The following NRG3 variants were observed in gnomAD, a reference collection of about 807,000 sequenced individuals.
NRG3 encodes the protein neuregulin 3, also known as pro-neuregulin-3, membrane-bound isoform.
NRG3 carries 31 observed loss-of-function variants against 66.9 expected under a neutral mutation model. The observed-to-expected ratio is 0.46, with a 90% confidence interval of 0.35 to 0.63. The LOEUF is 0.63. Among genes scored for constraint, NRG3 ranks in the 20% least tolerant of loss-of-function variants. The probability of loss-of-function intolerance (pLI) is 0.00; values close to 1 mark genes in which losing one functional copy is unlikely to be tolerated. For missense variants in NRG3, 910 were observed against 878.9 expected (o/e 1.04, Z -0.45); for synonymous variants, 393 against 359.4 (o/e 1.09, Z -1.06).
intron 1 of NRG3, among the ~76,000 whole-genome samples, chr10:82,113,222 T>G (rs1374646711): frequency 6.6e-6 from 1 of 152,110 alleles, no homozygotes; most frequent in Admixed American, 6.5e-5. Flanking sequence ...AACAACCCTA[T>G]GGAGATGGGA....
rs529662259 is a variant in NRG3, at chr10:82,104,828, T to C, written c.823+228665T>C. The stretch of plus-strand genomic sequence containing the variant: ...ATTTATACACATGTAAATTCACACA[T>C]ACTACACACACAGATGTTAGAATTG... On this transcript the variant is annotated intron_variant, in intron 1 of 8. Coordinates refer to ENST00000372141, the MANE Select transcript of NRG3 (RefSeq NM_001010848.4). Among the ~76,000 whole-genome samples, 3 of 152,328 alleles carry C rather than the reference T, an allele frequency of 2.0e-5. No individual in the cohort carries two copies. The East Asian group carries it at 5.8e-4, about 29-fold the overall frequency.
Position 82,108,767 on chromosome 10 carries a change from G to A in NRG3, c.823+232604G>A, listed in dbSNP as rs2067209720. ...AGCCTGATTGTTGGGTAGGAGATGA[G>A]CACTTTGATGTTCCTTACAGAAGGT... is the stretch of plus-strand genomic sequence containing the variant. On this transcript the variant is annotated intron_variant, in intron 1 of 8. Coordinates refer to ENST00000372141, the MANE Select transcript of NRG3 (RefSeq NM_001010848.4). Among the ~76,000 whole-genome samples, 2 of 152,182 alleles carry A rather than the reference G, an allele frequency of 1.3e-5. 1 individual carries two copies. The highest frequency in any genetic ancestry group is 4.8e-5 in the African/African-American group (2 of 41,466).
chr10:82,777,362 A>G (rs1353605771), intron 3 of NRG3, among the ~76,000 whole-genome samples: 2 of 152,092 alleles, frequency 1.3e-5, no homozygotes, highest in Non-Finnish European at 2.9e-5. Context: ...GTCTGGTTTG[A>G]CATGTCCCAT....
intron 2 of NRG3, among the ~76,000 whole-genome samples, chr10:82,460,764 G>A (rs1283301321): frequency 2.0e-5 from 3 of 152,158 alleles, no homozygotes; most frequent in Admixed American, 1.3e-4. Context: ...CAGTCCCTGT[G>A]TGACCCTGCT....
At chr10:82,875,858 A>T (rs1841774687) in intron 4 of NRG3, among the ~76,000 whole-genome samples, 1 of 152,226 alleles carries the variant, frequency 6.6e-6, no homozygotes, top group Non-Finnish European at 1.5e-5. Flanking sequence ...ATTAACACAT[A>T]TTGGTACCTC....
At chr10:82,748,131 G>A (rs533083298) in intron 3 of NRG3, among the ~76,000 whole-genome samples, 1 of 151,474 alleles carries the variant, frequency 6.6e-6, no homozygotes, top group South Asian at 2.1e-4. Context: ...CACCATGAGA[G>A]TATTTAGTTT....
chr10:82,024,882 T>C (rs2062228925), intron 1 of NRG3, among the ~76,000 whole-genome samples: 1 of 152,132 alleles, frequency 6.6e-6, no homozygotes, highest in Non-Finnish European at 1.5e-5. Context: ...GTCTTCCTCA[T>C]TCCACATCAT....
rs144667376 is a variant in NRG3 at position 82,255,323 on chromosome 10, A to G, written c.824-103416A>G. Among the ~76,000 whole-genome samples the G allele has an allele frequency of 1.4e-3, 214 of 152,302 alleles. 2 individuals are homozygous for G. The highest frequency in any genetic ancestry group is 2.9e-3 in the Admixed American group (45 of 15,286). On this transcript the variant is annotated intron_variant, in intron 1 of 8. Transcript: ENST00000372141. ...AAGGGGAGGCTAAGGAAACATGACA[A>G]TGGAATAAAATGTGGTCTGCTGGAG...
intron 2 of NRG3, among the ~76,000 whole-genome samples, chr10:82,670,268 C>T (rs2053163402): frequency 6.6e-6 from 1 of 152,006 alleles, no homozygotes; most frequent in South Asian, 2.1e-4. Context: ...TTCTATCTCT[C>T]CCTCACAAAT....
At chr10:82,166,624 A>G (rs1042096190) in intron 1 of NRG3, 2 of 325,916 alleles carry the variant, frequency 6.1e-6, no homozygotes, top group Non-Finnish European at 5.5e-6. Context: ...GGATATTTAA[A>G]TAATTATGTC....
At chr10:82,178,360 C>G (rs2073182495) in intron 1 of NRG3, among the ~76,000 whole-genome samples, 1 of 152,064 alleles carries the variant, frequency 6.6e-6, no homozygotes, top group African/African-American at 2.4e-5. Context: ...TACTTTATAT[C>G]TATTGAAAAG....
chr10:82,354,395 C>CTTT (rs11308301), intron 1 of NRG3, among the ~76,000 whole-genome samples: 2 of 141,940 alleles, frequency 1.4e-5, no homozygotes, highest in Non-Finnish European at 1.5e-5. Flanking sequence ...AAAAGTTGTC[C>CTTT]TTTTTTTTTT....
At chr10:82,238,077 G>A (rs2076841091) in intron 1 of NRG3, among the ~76,000 whole-genome samples, 1 of 152,072 alleles carries the variant, frequency 6.6e-6, no homozygotes, top group African/African-American at 2.4e-5. Context: ...TAATCTTAAA[G>A]TTAATACTCT....
At chr10:82,771,178 T>C (rs1314955368) in intron 3 of NRG3, among the ~76,000 whole-genome samples, 1 of 152,154 alleles carries the variant, frequency 6.6e-6, no homozygotes, top group African/African-American at 2.4e-5. Context: ...TTTATCACCT[T>C]CCTTCTTAAA....
intron 2 of NRG3, among the ~76,000 whole-genome samples, chr10:82,464,849 A>C (rs1840530012): frequency 6.6e-6 from 1 of 152,210 alleles, no homozygotes; most frequent in South Asian, 2.1e-4. Context: ...TCTCAACAGC[A>C]GCCACTTAAG....
At chr10:82,976,004 A>G (rs960018397) in intron 7 of NRG3, among the ~76,000 whole-genome samples, 2 of 152,196 alleles carry the variant, frequency 1.3e-5, no homozygotes, top group Non-Finnish European at 2.9e-5. Flanking sequence ...CTATTACGGC[A>G]TGTCATATTT....
intron 1 of NRG3, among the ~76,000 whole-genome samples, chr10:81,958,862 G>A (rs1473804319): frequency 6.6e-6 from 1 of 152,008 alleles, no homozygotes; most frequent in Non-Finnish European, 1.5e-5. Flanking sequence ...CTACACTCCA[G>A]CTGGGGCAAC....
chr10:82,724,221 C>T (rs2249075), intron 2 of NRG3, among the ~76,000 whole-genome samples: 129,169 of 149,994 alleles, frequency 0.86, 55,523 homozygotes, highest in African/African-American at 0.9. Context: ...GCCTATGCTA[C>T]TTTTTTTTTT....
At chr10:82,410,973 C>T (rs1264282832) in intron 2 of NRG3, among the ~76,000 whole-genome samples, 2 of 152,086 alleles carry the variant, frequency 1.3e-5, no homozygotes, top group Non-Finnish European at 1.5e-5. Flanking sequence ...ACAAAGGTAA[C>T]TATTGCAAAT....
Sources: allele counts gnomAD v4.1 joint callset (sites outside exome capture counted in the v4.1 genomes callset), GRCh38; gene constraint gnomAD v4.1.1; transcripts MANE v1.5; gene names NCBI Gene and HGNC (gene_info 2026-07-23, HGNC 2026-07-21).